Variants in VAT1L observed in about 807,000 individuals in gnomAD.
VAT1L encodes vesicle amine transport 1 like.
A neutral mutation model predicts 44.1 loss-of-function variants in VAT1L; 34 were observed. The ratio of observed to expected loss-of-function variants is 0.77; its 90% CI spans 0.59 to 1.03. The LOEUF (loss-of-function observed/expected upper bound fraction) is 1.03. Ranked by LOEUF, VAT1L falls within the 50% of genes least tolerant of loss-of-function variation. The probability of loss-of-function intolerance (pLI) is 0.00; values close to 1 mark genes in which losing one functional copy is unlikely to be tolerated. For missense variants in VAT1L, 615 were observed against 538.8 expected (o/e 1.14, Z -1.40); for synonymous variants, 253 against 202.2 (o/e 1.25, Z -2.13).
chr16:77,965,814 T>C (rs1364525372), intron 7 of VAT1L, among the ~76,000 whole-genome samples: 1 of 152,200 alleles, frequency 6.6e-6, no homozygotes, highest in African/African-American at 2.4e-5. Flanking sequence ...TGTCTCCACA[T>C]ATCCACTTTT....
intron 7 of VAT1L, among the ~76,000 whole-genome samples, chr16:77,923,193 G>C (rs939169120): frequency 6.6e-6 from 1 of 152,234 alleles, no homozygotes; most frequent in East Asian, 1.9e-4. Context: ...GCTCACGCCT[G>C]TAATTGCAGC....
chr16:77,914,507 A>T (rs796199567), intron 7 of VAT1L, among the ~76,000 whole-genome samples: 4 of 152,368 alleles, frequency 2.6e-5, no homozygotes, highest in African/African-American at 9.6e-5. Flanking sequence ...TATTGTGTAG[A>T]TGAAAGAAAG....
At chr16:77,856,030 A>C (rs1009074907) in intron 3 of VAT1L, among the ~76,000 whole-genome samples, 2 of 152,144 alleles carry the variant, frequency 1.3e-5, no homozygotes, top group African/African-American at 4.8e-5. Flanking sequence ...ACAAACAAAC[A>C]AACAAACAAA....
intron 8 of VAT1L, among the ~76,000 whole-genome samples, chr16:77,974,526 T>C (rs1366069916): frequency 6.6e-6 from 1 of 152,174 alleles, no homozygotes; most frequent in Non-Finnish European, 1.5e-5. Flanking sequence ...GATCTGCCTG[T>C]GCCACACACA....
chr16:77,900,651 C>T (rs62042179), intron 7 of VAT1L, among the ~76,000 whole-genome samples: 14,618 of 149,986 alleles, frequency 0.097, 831 homozygotes, highest in Non-Finnish European at 0.14. Flanking sequence ...GCTGAAATCG[C>T]GCCACTGCAC....
At chr16:77,928,740 G>T (rs746090453) in intron 7 of VAT1L, among the ~76,000 whole-genome samples, 1 of 128,760 alleles carries the variant, frequency 7.8e-6, no homozygotes, top group Non-Finnish European at 1.6e-5. Flanking sequence ...ATTGATGGGG[G>T]TGTCAGGAGA....
chr16:77,829,147 G>C (rs1277293740), intron 3 of VAT1L, among the ~76,000 whole-genome samples: 1 of 152,112 alleles, frequency 6.6e-6, no homozygotes, highest in Non-Finnish European at 1.5e-5. Context: ...AAAATGTTGG[G>C]AGAGCCAGCC....
At chr16:77,892,708 C>T in intron 7 of VAT1L, 1 of 734,310 alleles carries the variant, frequency 1.4e-6, no homozygotes, top group Non-Finnish European at 2.5e-6. Flanking sequence ...TAGGTCCTGG[C>T]ATCTGTTCCA....
At chr16:77,856,522 T>A (rs1212604782) in intron 3 of VAT1L, among the ~76,000 whole-genome samples, 1 of 152,234 alleles carries the variant, frequency 6.6e-6, no homozygotes, top group Non-Finnish European at 1.5e-5. Flanking sequence ...AAGAGATGAA[T>A]TCACTCCTCT....
Position 77,951,163 on chromosome 16 carries a change from T to C in VAT1L, c.1078-20687T>C, listed in dbSNP as rs138715243. ...TTCAAAATCCGTAAAGTCCAGACGG[T>C]ATGCAACTCCACAAAGCTCAACAAT... is the stretch of plus-strand genomic sequence containing the variant. On this transcript the variant is annotated intron_variant, in intron 7 of 8. Coordinates refer to ENST00000302536, the MANE Select transcript of VAT1L (RefSeq NM_020927.3). Among the ~76,000 whole-genome samples, 322 of 152,316 alleles carry C rather than the reference T, an allele frequency of 2.1e-3. 2 individuals carry two copies. Among genetic ancestry groups the C allele is most frequent in the African/African-American group, 7.2e-3 (299 of 41,572 alleles).
chr16:77,802,427 C>A (rs2966066), intron 1 of VAT1L, among the ~76,000 whole-genome samples: 81,506 of 151,812 alleles, frequency 0.54, 23,012 homozygotes, highest in East Asian at 0.7. Context: ...CCAGCCTGGC[C>A]AAGATGGTAA....
At chr16:77,848,225 C>T (rs575543904) in intron 3 of VAT1L, among the ~76,000 whole-genome samples, 1 of 152,140 alleles carries the variant, frequency 6.6e-6, no homozygotes, top group African/African-American at 2.4e-5. Flanking sequence ...CAAAATAGAA[C>T]GGGCTGACTA....
chr16:77,790,161 C>T (rs2015807446), intron 1 of VAT1L, among the ~76,000 whole-genome samples: 1 of 152,166 alleles, frequency 6.6e-6, no homozygotes, highest in African/African-American at 2.4e-5. Context: ...GTTTCATCGG[C>T]CAGATTAGAA....
intron 1 of VAT1L, among the ~76,000 whole-genome samples, chr16:77,808,419 G>A (rs754826588): frequency 2.6e-4 from 39 of 152,074 alleles, no homozygotes; most frequent in Non-Finnish European, 4.4e-4. Flanking sequence ...AATAATAATA[G>A]AAATACAATG....
chr16:77,899,029 A>T (rs747448963), intron 7 of VAT1L, among the ~76,000 whole-genome samples: 3 of 152,230 alleles, frequency 2.0e-5, no homozygotes, highest in Non-Finnish European at 4.4e-5. Flanking sequence ...TGGACAAATG[A>T]CAAAGGAGCA....
At chr16:77,885,628 G>A (rs1016270652) in intron 7 of VAT1L, among the ~76,000 whole-genome samples, 1 of 151,878 alleles carries the variant, frequency 6.6e-6, no homozygotes, top group Admixed American at 6.5e-5. Context: ...TTTAAAATAT[G>A]TGGGAATGTT....
At chr16:77,969,739 G>A (rs1031213971) in intron 7 of VAT1L, among the ~76,000 whole-genome samples, 4 of 151,958 alleles carry the variant, frequency 2.6e-5, no homozygotes, top group African/African-American at 4.8e-5. Flanking sequence ...CAGGCAATGG[G>A]GATGACTGAC....
intron 2 of VAT1L, among the ~76,000 whole-genome samples, chr16:77,823,567 TACTC>T (rs1235630297): frequency 1.2e-4 from 19 of 152,354 alleles, no homozygotes; most frequent in African/African-American, 4.1e-4. Flanking sequence ...TTAGGCAAGA[TACTC>T]AACCATTCTT....
At chr16:77,867,935 A>C (rs1170962616) in intron 4 of VAT1L, among the ~76,000 whole-genome samples, 1 of 151,862 alleles carries the variant, frequency 6.6e-6, no homozygotes, top group African/African-American at 2.4e-5. Flanking sequence ...GGTACACAAT[A>C]TTATTTCAGA....
Sources: allele counts gnomAD v4.1 joint callset (sites outside exome capture counted in the v4.1 genomes callset), GRCh38; gene constraint gnomAD v4.1.1; transcripts MANE v1.5; gene names NCBI Gene and HGNC (gene_info 2026-07-23, HGNC 2026-07-21).